EML6: variants seen among roughly 807,000 people sequenced by gnomAD.
The protein encoded by EML6 is echinoderm microtubule-associated protein-like 6.
In EML6, 154 loss-of-function variants were observed where a neutral mutation model predicts 240.1. The observed-to-expected ratio is 0.64, with a 90% confidence interval of 0.56 to 0.73. The LOEUF is 0.73. Ranked by LOEUF, EML6 falls within the 30% of genes least tolerant of loss-of-function variation. The pLI is 0.00. For synonymous variants in EML6, 1,148 were observed against 899.0 expected, an observed-to-expected ratio of 1.28 and a Z score of -4.95; for missense variants, 2,964 against 2,474.6, an observed-to-expected ratio of 1.20 and a Z score of -4.20.
intron 3 of EML6, among the ~76,000 whole-genome samples, chr2:54,814,766 G>C (rs755886245): frequency 6.6e-6 from 1 of 152,182 alleles, no homozygotes; most frequent in Admixed American, 6.5e-5. Context: ...TATTTTAAGA[G>C]AGCATCGATC....
intron 2 of EML6, among the ~76,000 whole-genome samples, chr2:54,790,851 G>A (rs941155328): frequency 6.7e-5 from 10 of 149,714 alleles, no homozygotes; most frequent in Admixed American, 3.4e-4. Flanking sequence ...TCAGCCTCCC[G>A]AGTAGCTGGG....
chr2:54,776,487 G>A (rs946735135), intron 2 of EML6, among the ~76,000 whole-genome samples: 1 of 152,116 alleles, frequency 6.6e-6, no homozygotes, highest in Non-Finnish European at 1.5e-5. Flanking sequence ...AATATAGGTA[G>A]TAGGCTCATA....
Position 54,971,108 on chromosome 2 carries a change from G to C in EML6, c.*1013G>C, listed in dbSNP as rs901773960. 1 of 152,230 alleles carries C rather than the reference G, an allele frequency of 6.6e-6. No homozygotes were observed. Among genetic ancestry groups the C allele is most frequent in the Admixed American group, 6.5e-5 (1 of 15,288 alleles). The allele number at this position is 152,230 out of a possible 1,614,324, so 9.4% of individuals were successfully genotyped here. A position where few individuals can be genotyped will look rare whatever the true frequency, so the allele number is the denominator to read the frequency against. ...ACCTTGGTGTACCACCCTGAGTGGA[G>C]TTGAGGTGACTTCATTTGATTGCTT... On this transcript the variant is annotated 3_prime_UTR_variant, in exon 42 of 42. Coordinates refer to ENST00000356458, the MANE Select transcript of EML6 (RefSeq NM_001039753.4).
At chr2:54,768,644 G>C (rs1012579508) in intron 2 of EML6, among the ~76,000 whole-genome samples, 4 of 152,166 alleles carry the variant, frequency 2.6e-5, no homozygotes, top group Non-Finnish European at 5.9e-5. Context: ...GGCCCGGATT[G>C]TAGCCCAAGA....
At chr2:54,929,419 A>G (rs1013510964) in intron 28 of EML6, among the ~76,000 whole-genome samples, 2 of 152,250 alleles carry the variant, frequency 1.3e-5, no homozygotes, top group African/African-American at 4.8e-5. Flanking sequence ...CAGAATTACT[A>G]TATTACTTAA....
intron 3 of EML6, among the ~76,000 whole-genome samples, 155 bp downstream of exon 3, chr2:54,813,546 G>T (rs1667954061): frequency 6.6e-6 from 1 of 152,126 alleles, no homozygotes; most frequent in African/African-American, 2.4e-5. Context: ...CCCCTTTAAA[G>T]CTATGGCACT....
chr2:54,757,010 C>T (rs868094988), intron 2 of EML6, among the ~76,000 whole-genome samples: 5 of 151,732 alleles, frequency 3.3e-5, no homozygotes, highest in Middle Eastern at 3.4e-3. Flanking sequence ...TCATTCAAAT[C>T]GGTTGAATTT....
At position 54,847,517 on chromosome 2, in the gene EML6, G is replaced by T. The variant is rs774293335; in HGVS notation, c.1081G>T (p.Ala361Ser). ...LWSLADHALI[A>S]RCNMEEAVRS... ...GAGCCTGGCTGATCATGCCTTGATC[G>T]CCCGCTGTAACATGGAAGAGGCGGT... The change falls in exon 9 of 42, where the codon GCC becomes TCC. Residue 361 changes from alanine to serine, a missense_variant. Physicochemically the swap from Ala to Ser is moderately conservative, Grantham distance 99. Coordinates refer to ENST00000356458, the MANE Select transcript of EML6 (RefSeq NM_001039753.4). 2 of 1,551,760 alleles carry T rather than the reference G, an allele frequency of 1.3e-6. No individual in the cohort carries two copies. Among genetic ancestry groups the T allele is most frequent in the East Asian group, 4.9e-5 (2 of 40,902 alleles).
At chr2:54,910,373 A>C (rs1673575771) in intron 24 of EML6, among the ~76,000 whole-genome samples, 1 of 152,232 alleles carries the variant, frequency 6.6e-6, no homozygotes. Context: ...AGACTGAAAG[A>C]CTATTTTTGC....
intron 17 of EML6, 120 bp from the exon 18 acceptor site, chr2:54,890,934 C>T: frequency 2.1e-6 from 1 of 471,034 alleles, no homozygotes; most frequent in East Asian, 3.1e-5. Context: ...GATTTTAAAC[C>T]ATTTTCTAAT....
At chr2:54,921,843 A>G (rs1022060153) in intron 26 of EML6, among the ~76,000 whole-genome samples, 16 of 152,298 alleles carry the variant, frequency 1.1e-4, no homozygotes, top group Non-Finnish European at 2.1e-4. Context: ...AGTCTCTTCA[A>G]TGAGTGGTGT....
chr2:54,888,222 G>T (rs749436192), intron 17 of EML6, among the ~76,000 whole-genome samples: 1 of 152,186 alleles, frequency 6.6e-6, no homozygotes, highest in Non-Finnish European at 1.5e-5. Context: ...TTATAATGCA[G>T]TGTGGCCGGG....
At chr2:54,930,468 C>T (rs973412430) in intron 28 of EML6, among the ~76,000 whole-genome samples, 2 of 151,866 alleles carry the variant, frequency 1.3e-5, no homozygotes, top group African/African-American at 4.8e-5. Context: ...TATTATCAAG[C>T]TATACCCCAT....
intron 2 of EML6, among the ~76,000 whole-genome samples, chr2:54,756,749 G>T (rs1489454027): frequency 6.6e-6 from 1 of 151,664 alleles, no homozygotes; most frequent in African/African-American, 2.4e-5. Context: ...ATTATTCCTG[G>T]CATACTGAAA....
intron 5 of EML6, among the ~76,000 whole-genome samples, chr2:54,822,108 A>AACATAG (rs1668361239): frequency 6.6e-6 from 1 of 152,204 alleles, no homozygotes; most frequent in African/African-American, 2.4e-5. Flanking sequence ...ATGGACAAAG[A>AACATAG]ACATAGAAAA....
chr2:54,773,003 C>T (rs1287600812), intron 2 of EML6, among the ~76,000 whole-genome samples: 1 of 152,204 alleles, frequency 6.6e-6, no homozygotes, highest in Non-Finnish European at 1.5e-5. Context: ...CAACACTGAC[C>T]TTTCCTTCTG....
intron 2 of EML6, among the ~76,000 whole-genome samples, chr2:54,773,961 TTCCTTTGCTGTCC>T (rs1458011790): frequency 6.6e-6 from 1 of 152,208 alleles, no homozygotes; most frequent in African/African-American, 2.4e-5. Context: ...TTTTTTCTTG[TTCCTTTGCTGTCC>T]TCAAGAAGTG....
intron 2 of EML6, among the ~76,000 whole-genome samples, chr2:54,804,158 G>A (rs1276332739): frequency 6.6e-6 from 1 of 152,188 alleles, no homozygotes; most frequent in Admixed American, 6.5e-5. Context: ...GTAACATTTT[G>A]CCATCTGGCA....
chr2:54,800,705 C>T (rs1325450792), intron 2 of EML6, among the ~76,000 whole-genome samples: 6 of 152,096 alleles, frequency 3.9e-5, no homozygotes, highest in Admixed American at 3.3e-4. Context: ...GATGGATGAA[C>T]CACCATTCTG....
Sources: allele counts gnomAD v4.1 joint callset (sites outside exome capture counted in the v4.1 genomes callset), GRCh38; gene constraint gnomAD v4.1.1; transcripts MANE v1.5; gene names NCBI Gene and HGNC (gene_info 2026-07-23, HGNC 2026-07-21).